Variants in PGAP4 observed in about 807,000 individuals in gnomAD.
PGAP4 encodes GPI-N-acetylgalactosamine transferase PGAP4.
PGAP4 carries 12 observed loss-of-function variants against 28.2 expected under a neutral mutation model. The ratio of observed to expected loss-of-function variants is 0.42; its 90% confidence interval spans 0.27 to 0.69. The LOEUF (loss-of-function observed/expected upper bound fraction) is 0.69, where lower values mean the gene tolerates loss of function less well. PGAP4 is among the 30% of genes least tolerant of loss of function. PGAP4 has a pLI of 0.22. For synonymous variants in PGAP4, 205 were observed against 211.8 expected (o/e 0.97, Z 0.28); for missense variants, 425 against 513.5 (o/e 0.83, Z 1.67).
chr9:101,494,284 A>C (rs1467706986), intron 2 of PGAP4, among the ~76,000 whole-genome samples: 2 of 151,938 alleles, frequency 1.3e-5, no homozygotes, highest in East Asian at 3.8e-4. Context: ...AATTGAAATT[A>C]TGTAAATAAA....
At chr9:101,520,978 T>C (rs1049083480) in intron 2 of PGAP4, among the ~76,000 whole-genome samples, 6 of 152,204 alleles carry the variant, frequency 3.9e-5, no homozygotes, top group South Asian at 4.1e-4. Flanking sequence ...GAGATGATCA[T>C]GTGATTTTTG....
intron 2 of PGAP4, among the ~76,000 whole-genome samples, chr9:101,506,872 T>C (rs990803996): frequency 2.0e-5 from 3 of 152,106 alleles, no homozygotes; most frequent in African/African-American, 7.2e-5. Context: ...CAGTCTTCCC[T>C]GTAAAAACCT....
At chr9:101,525,699 C>CAAAAA (rs397893277) in intron 2 of PGAP4, among the ~76,000 whole-genome samples, 7 of 61,388 alleles carry the variant, frequency 1.1e-4, no homozygotes, top group East Asian at 4.7e-4. Flanking sequence ...CAGAGCGTCT[C>CAAAAA]AAAAAAAAAA....
chr9:101,528,673 C>A (rs1458247323), intron 2 of PGAP4, among the ~76,000 whole-genome samples: 2 of 152,040 alleles, frequency 1.3e-5, no homozygotes, highest in Non-Finnish European at 2.9e-5. Context: ...GCTTTCCAAA[C>A]ACAAAAGCAT....
intron 2 of PGAP4, among the ~76,000 whole-genome samples, chr9:101,505,386 A>G (rs926753947): frequency 2.6e-5 from 4 of 152,098 alleles, no homozygotes; most frequent in Non-Finnish European, 2.9e-5. Flanking sequence ...AGAGATTACA[A>G]GATTCTAAAA....
At chr9:101,513,167 G>T (rs1163911422) in intron 2 of PGAP4, among the ~76,000 whole-genome samples, 1 of 150,470 alleles carries the variant, frequency 6.6e-6, no homozygotes, top group African/African-American at 2.4e-5. Flanking sequence ...ACTGTGTGCT[G>T]AGCAGTGGCT....
chr9:101,504,177 T>C (rs1826827607), intron 2 of PGAP4, among the ~76,000 whole-genome samples: 1 of 139,870 alleles, frequency 7.1e-6, no homozygotes, highest in African/African-American at 2.5e-5. Context: ...CTGCTTTCTG[T>C]TTTTTATTTG....
chr9:101,512,952 C>T (rs1826909852), intron 2 of PGAP4, among the ~76,000 whole-genome samples: 1 of 152,112 alleles, frequency 6.6e-6, no homozygotes, highest in Admixed American at 6.6e-5. Flanking sequence ...GACTCTTTGA[C>T]ACTTTGGGAG....
intron 2 of PGAP4, among the ~76,000 whole-genome samples, chr9:101,520,209 C>T (rs550400806): frequency 3.3e-5 from 5 of 152,162 alleles, no homozygotes; most frequent in Middle Eastern, 3.4e-3. Context: ...TTTTTGGTTC[C>T]ATATGAATTT....
intron 2 of PGAP4, chr9:101,501,705 A>G: frequency 1.9e-6 from 1 of 519,214 alleles, no homozygotes; most frequent in Non-Finnish European, 3.8e-6. Context: ...TAGAACTTGT[A>G]TAGATCATTG....
intron 2 of PGAP4, among the ~76,000 whole-genome samples, chr9:101,515,583 G>A (rs891782898): frequency 6.6e-6 from 1 of 152,078 alleles, no homozygotes; most frequent in Non-Finnish European, 1.5e-5. Context: ...CTGAAACCAT[G>A]CAAAGCTATA....
chr9:101,526,929 A>T lies in PGAP4; in HGVS notation c.-165+4419T>A, dbSNP rs186398242. 3.1e-3 allele frequency among the ~76,000 whole-genome samples: 477 copies of T among 152,376 alleles called. 2 individuals are homozygous for T. Among genetic ancestry groups the T allele is most frequent in the African/African-American group, 0.011 (454 of 41,586 alleles). ...TTGGGAGGAAGAACAGGGAAGGGAT[A>T]TCAGGAAATCCTGAACTTCCTTCCA... On this transcript the variant is annotated intron_variant, in intron 2 of 3. Transcript: ENST00000374851.
chr9:101,528,673 C>T (rs1458247323), intron 2 of PGAP4, among the ~76,000 whole-genome samples: 1 of 152,040 alleles, frequency 6.6e-6, no homozygotes, highest in East Asian at 1.9e-4. Flanking sequence ...GCTTTCCAAA[C>T]ACAAAAGCAT....
chr9:101,521,387 C>T (rs1363811918), intron 2 of PGAP4, among the ~76,000 whole-genome samples: 2 of 152,004 alleles, frequency 1.3e-5, no homozygotes, highest in African/African-American at 4.8e-5. Context: ...TTCAATCTTG[C>T]TGCTTGTTAT....
intron 2 of PGAP4, chr9:101,501,988 G>C (rs1054441223): frequency 3.5e-6 from 1 of 284,768 alleles, no homozygotes; most frequent in Admixed American, 4.1e-5. Flanking sequence ...GATCACAAAA[G>C]ACACCTACAC....
upstream of PGAP4, chr9:101,487,237 A>G (rs1326665589): frequency 6.6e-6 from 1 of 152,294 alleles, no homozygotes; most frequent in African/African-American, 2.4e-5. Flanking sequence ...ATGGGCAGCC[A>G]GGGAAAAGCA....
At chr9:101,532,191 A>G (rs1827100551) in intron 1 of PGAP4, among the ~76,000 whole-genome samples, 1 of 151,346 alleles carries the variant, frequency 6.6e-6, no homozygotes, top group Admixed American at 6.6e-5. Context: ...AATTGCTTGA[A>G]CCTGTGAGGT....
chr9:101,506,049 A>AATAAAATGTTACCATTTGTGC (rs1332802443), intron 2 of PGAP4, among the ~76,000 whole-genome samples: 4 of 152,154 alleles, frequency 2.6e-5, no homozygotes, highest in Non-Finnish European at 5.9e-5. Flanking sequence ...AGCAGTTTCC[A>AATAAAATGTTACCATTTGTGC]ATAAAATGTT....
chr9:101,481,922 G>A (rs368106298), intron 1 of PGAP4, among the ~76,000 whole-genome samples: 6 of 151,416 alleles, frequency 4.0e-5, no homozygotes, highest in East Asian at 1.9e-4. Context: ...TTTTCCCCTC[G>A]CCTTCCCCTT....
Sources: gnomAD v4.1 joint callset for allele counts (sites outside exome capture counted in the v4.1 genomes callset) on GRCh38, gnomAD v4.1.1 for gene constraint, MANE v1.5 for transcripts, NCBI Gene and HGNC (gene_info 2026-07-23, HGNC 2026-07-21) for gene names.